The following LHFPL1 variants were observed in gnomAD, a reference collection of about 807,000 sequenced individuals.
The protein encoded by LHFPL1 is LHFPL tetraspan subfamily member 1 protein.
Under a neutral mutation model 12.1 loss-of-function variants are expected in LHFPL1, and 4 were observed. The observed-to-expected ratio is 0.33, with a 90% CI of 0.16 to 0.76. The LOEUF is 0.76. Ranked by LOEUF, LHFPL1 falls within the 30% of genes least tolerant of loss-of-function variation. The pLI is 0.61. For synonymous variants in LHFPL1, 52 were observed against 61.9 expected (o/e 0.84, Z 0.75); for missense variants, 141 against 174.1 (o/e 0.81, Z 1.07).
At chrX:112,653,165 G>A (rs753608969) in intron 3 of LHFPL1, among the ~76,000 whole-genome samples, 1 of 111,947 alleles carries the variant, frequency 8.9e-6, no homozygotes, top group East Asian at 2.8e-4. Flanking sequence ...AATATTTGAA[G>A]TATTGCATAA....
chrX:112,631,224 T>G lies in LHFPL1; in HGVS notation c.*196A>C, dbSNP rs1306553819. ...AGTTGGGTAAATGTCTGAGAATGTTTCCTCTGATGAATTTTATAAACAGCC... is the reference window on the plus strand; with the variant it reads ...AGTTGGGTAAATGTCTGAGAATGTTGCCTCTGATGAATTTTATAAACAGCC... On this transcript the variant is annotated 3_prime_UTR_variant, in exon 4 of 4. Coordinates refer to ENST00000371968, the MANE Select transcript of LHFPL1 (RefSeq NM_178175.4). 2.9e-6 allele frequency: 1 copy of G among 346,959 alleles called. No homozygotes were observed. The highest frequency in any genetic ancestry group is 5.0e-6 in the Non-Finnish European group (1 of 200,471). 28.6% of individuals were successfully genotyped at this position (346,959 alleles called of 1,213,427 possible). A position where few individuals can be genotyped will look rare whatever the true frequency, so the allele number is the denominator to read the frequency against.
chrX:112,675,282 A>T (rs938331287), intron 1 of LHFPL1, among the ~76,000 whole-genome samples: 6 of 111,381 alleles, frequency 5.4e-5, no homozygotes, highest in African/African-American at 1.6e-4. Context: ...AAAATTTTTT[A>T]AAAAGTCCCA....
intron 3 of LHFPL1, among the ~76,000 whole-genome samples, chrX:112,643,857 G>A (rs1046099948): frequency 8.9e-6 from 1 of 111,801 alleles, no homozygotes; most frequent in Non-Finnish European, 1.9e-5. Flanking sequence ...ACGGACGTGC[G>A]GTTGAAATCA....
At chrX:112,663,063 G>C (rs1931234768) in intron 2 of LHFPL1, among the ~76,000 whole-genome samples, 1 of 111,378 alleles carries the variant, frequency 9.0e-6, no homozygotes, top group Non-Finnish European at 1.9e-5. Flanking sequence ...TCTTGGCACA[G>C]TAGAGGGAAC....
chrX:112,647,036 T>C (rs1930711146), intron 3 of LHFPL1, among the ~76,000 whole-genome samples: 1 of 112,009 alleles, frequency 8.9e-6, no homozygotes, highest in Admixed American at 9.5e-5. Flanking sequence ...GGCATATTAC[T>C]GTCAGCCATG....
intron 3 of LHFPL1, among the ~76,000 whole-genome samples, chrX:112,641,707 G>A (rs746550348): frequency 4.5e-5 from 5 of 111,778 alleles, no homozygotes; most frequent in Non-Finnish European, 9.4e-5. Context: ...CTCCCAACTG[G>A]TCCAACAAGT....
chrX:112,676,477 A>G (rs1016614966), intron 1 of LHFPL1, among the ~76,000 whole-genome samples: 1 of 111,827 alleles, frequency 8.9e-6, no homozygotes, highest in African/African-American at 3.3e-5. Flanking sequence ...AATCTGCTAG[A>G]TGGGCCGCAA....
At chrX:112,665,214 G>A (rs1463836897) in intron 2 of LHFPL1, among the ~76,000 whole-genome samples, 12 of 103,100 alleles carry the variant, frequency 1.2e-4, no homozygotes, top group South Asian at 9.4e-4. Context: ...TTTTTGAGTC[G>A]GAGTCTCACT....
At chrX:112,634,141 G>A (rs1241936705) in intron 3 of LHFPL1, among the ~76,000 whole-genome samples, 3 of 111,906 alleles carry the variant, frequency 2.7e-5, no homozygotes, top group South Asian at 3.8e-4. Flanking sequence ...ATGAGGCTCC[G>A]GTGATAGCCC....
chrX:112,667,370 C>T (rs191837642), intron 2 of LHFPL1, among the ~76,000 whole-genome samples: 1 of 111,984 alleles, frequency 8.9e-6, no homozygotes, highest in Non-Finnish European at 1.9e-5. Flanking sequence ...ACTAAATATG[C>T]AACCTTACAC....
intron 1 of LHFPL1, among the ~76,000 whole-genome samples, chrX:112,674,523 A>T (rs1353611659): frequency 1.8e-5 from 2 of 111,134 alleles, no homozygotes; most frequent in African/African-American, 6.6e-5. Context: ...GAGAGAGAAA[A>T]TCTTCACAAT....
intron 3 of LHFPL1, among the ~76,000 whole-genome samples, chrX:112,651,318 T>G (rs1440770995): frequency 8.9e-6 from 1 of 112,214 alleles, no homozygotes; most frequent in East Asian, 2.8e-4. Flanking sequence ...ATGATACATA[T>G]AAAACACTTG....
At chrX:112,643,526 C>A (rs192632125) in intron 3 of LHFPL1, among the ~76,000 whole-genome samples, 1 of 111,136 alleles carries the variant, frequency 9.0e-6, no homozygotes, top group Non-Finnish European at 1.9e-5. Context: ...AGGGGAAATG[C>A]CAGATGCTTA....
At chrX:112,656,415 T>C (rs1569364585) in intron 3 of LHFPL1, among the ~76,000 whole-genome samples, 1 of 110,778 alleles carries the variant, frequency 9.0e-6, no homozygotes, top group Admixed American at 9.6e-5. Context: ...CTAACATCAA[T>C]GCTTAATGAT....
chrX:112,647,588 G>T (rs1930731549), intron 3 of LHFPL1, among the ~76,000 whole-genome samples: 1 of 112,151 alleles, frequency 8.9e-6, no homozygotes, highest in Admixed American at 9.4e-5. Flanking sequence ...ATCATCACTG[G>T]TCATTAGAGA....
In LHFPL1 at chrX:112,647,778, A is replaced by G. The variant is rs1930737090; in HGVS notation, c.481+12849T>C. ...GAAGACAGTTTGGCAATTCCTCAAGAATCTAGAAACAGAAATACCATTTGA... is the reference window on the plus strand; with the variant it reads ...GAAGACAGTTTGGCAATTCCTCAAGGATCTAGAAACAGAAATACCATTTGA... On this transcript the variant is annotated intron_variant, in intron 3 of 3. Transcript: ENST00000371968. Among the ~76,000 whole-genome samples the G allele has an allele frequency of 2.7e-5, 3 of 111,969 alleles. No homozygotes were observed. The South Asian group carries it at 1.1e-3, about 42-fold the overall frequency.
At chrX:112,633,773 C>T (rs1355844731) in intron 3 of LHFPL1, among the ~76,000 whole-genome samples, 1 of 112,054 alleles carries the variant, frequency 8.9e-6, no homozygotes, top group South Asian at 3.7e-4. Flanking sequence ...AAAATAGTGC[C>T]TCTGAAGGCT....
chrX:112,655,200 C>T (rs189494800), intron 3 of LHFPL1, among the ~76,000 whole-genome samples: 9 of 111,919 alleles, frequency 8.0e-5, no homozygotes, highest in Admixed American at 2.8e-4. Context: ...TATAATGAAG[C>T]TAATTAGAGT....
At chrX:112,668,104 A>C (rs1156686083) in intron 2 of LHFPL1, among the ~76,000 whole-genome samples, 1 of 111,762 alleles carries the variant, frequency 8.9e-6, no homozygotes, top group Non-Finnish European at 1.9e-5. Context: ...CCAGACCTGA[A>C]GCAACAAAAT....
Sources: allele counts gnomAD v4.1 joint callset (sites outside exome capture counted in the v4.1 genomes callset), GRCh38; gene constraint gnomAD v4.1.1; transcripts MANE v1.5; gene names NCBI Gene and HGNC (gene_info 2026-07-23, HGNC 2026-07-21).